FSTL5: variants seen among roughly 807,000 people sequenced by gnomAD.
The protein encoded by FSTL5 is follistatin-related protein 5.
A neutral mutation model predicts 89.1 loss-of-function variants in FSTL5; 62 were observed. The ratio of observed to expected loss-of-function variants is 0.70; its 90% CI spans 0.57 to 0.86. The LOEUF (loss-of-function observed/expected upper bound fraction) is 0.86. Ranked by LOEUF, FSTL5 falls within the 40% of genes least tolerant of loss-of-function variation. The pLI is 0.00. For missense variants in FSTL5, 1,057 were observed against 1,001.6 expected, an observed-to-expected ratio of 1.06 and a Z score of -0.75; for synonymous variants, 383 against 346.2, an observed-to-expected ratio of 1.11 and a Z score of -1.18.
At chr4:162,119,177 T>C (rs1403768763) in intron 1 of FSTL5, among the ~76,000 whole-genome samples, 1 of 151,190 alleles carries the variant, frequency 6.6e-6, no homozygotes, top group African/African-American at 2.4e-5. Context: ...CAGTGAGCCA[T>C]GATCATACCA....
intron 4 of FSTL5, among the ~76,000 whole-genome samples, chr4:161,892,221 C>T (rs1579172984): frequency 6.6e-6 from 1 of 151,912 alleles, no homozygotes. Flanking sequence ...AAATAACTTG[C>T]TTTTTTCTAC....
At chr4:161,655,310 T>A (rs1736478108) in intron 7 of FSTL5, among the ~76,000 whole-genome samples, 1 of 151,932 alleles carries the variant, frequency 6.6e-6, no homozygotes, top group Non-Finnish European at 1.5e-5. Flanking sequence ...CTTGACCTAC[T>A]CATTTATTGA....
chr4:161,565,153 G>A (rs953465885), intron 8 of FSTL5, among the ~76,000 whole-genome samples: 2 of 151,690 alleles, frequency 1.3e-5, no homozygotes, highest in Admixed American at 6.6e-5. Flanking sequence ...TCAGACCTCC[G>A]TATTAACAGA....
chr4:161,839,508 G>C (rs1026408543), intron 4 of FSTL5, among the ~76,000 whole-genome samples: 2 of 152,098 alleles, frequency 1.3e-5, no homozygotes, highest in African/African-American at 4.8e-5. Context: ...CAATAAAAGG[G>C]AGTAAAACCT....
chr4:161,905,225 A>T (rs1428664382), intron 4 of FSTL5, among the ~76,000 whole-genome samples: 1 of 152,156 alleles, frequency 6.6e-6, no homozygotes, highest in Non-Finnish European at 1.5e-5. Context: ...TTTAAAATTA[A>T]AAAAAGATTT....
intron 4 of FSTL5, among the ~76,000 whole-genome samples, chr4:161,804,016 G>A (rs1170814535): frequency 6.6e-6 from 1 of 151,962 alleles, no homozygotes; most frequent in African/African-American, 2.4e-5. Context: ...TTGCTCTGGA[G>A]TCTCTTTTTG....
chr4:162,111,302 G>C lies in FSTL5; in HGVS notation c.95C>G (p.Ser32Cys). 6.2e-7 allele frequency: 1 copy of C among 1,611,876 alleles called. No homozygotes were observed. Among genetic ancestry groups the C allele is most frequent in the Non-Finnish European group, 8.5e-7 (1 of 1,178,482 alleles). Residue 32 changes from serine to cysteine, a missense_variant, in exon 2 of 16, where the codon TCC becomes TGC. Transcript: ENST00000306100. ...PTKEGGYGLK[S>C]YQPLMRLRHK... ...TCGCAATCTCATTAGAGGCTGATAG[G>C]ATTTAAGGCCATATCCTCCTTCTTT...
chr4:161,650,097 T>C (rs1736284296), intron 7 of FSTL5, among the ~76,000 whole-genome samples: 1 of 152,224 alleles, frequency 6.6e-6, no homozygotes, highest in African/African-American at 2.4e-5. Flanking sequence ...CCCCAATCTA[T>C]TCTACTCTGT....
chr4:162,117,973 G>C (rs1281590562), intron 1 of FSTL5, among the ~76,000 whole-genome samples: 4 of 152,134 alleles, frequency 2.6e-5, no homozygotes, highest in Non-Finnish European at 5.9e-5. Flanking sequence ...GAAAAATTAA[G>C]TTGCAGTTAT....
At chr4:161,496,787 A>AAGATAGAGATAC (rs1730092256) in intron 12 of FSTL5, among the ~76,000 whole-genome samples, 1 of 143,728 alleles carries the variant, frequency 7.0e-6, no homozygotes, top group South Asian at 2.3e-4. Flanking sequence ...GATAGAGAAA[A>AAGATAGAGATAC]AGATAGAGAT....
rs138063975 is a variant in FSTL5, at chr4:162,021,381, G to C, written c.160+12244C>G. On this transcript the variant is annotated intron_variant, in intron 3 of 15. Coordinates refer to ENST00000306100, the MANE Select transcript of FSTL5 (RefSeq NM_020116.5). Reference sequence around the variant, plus strand: ...TTATTAACAGCACAATCTTGGCCAAGTATTTAATCTCCAAGACTCATTTGC... The same window carrying C: ...TTATTAACAGCACAATCTTGGCCAACTATTTAATCTCCAAGACTCATTTGC... 2.2e-3 allele frequency among the ~76,000 whole-genome samples: 332 copies of C among 152,242 alleles called. 1 individual carries two copies. The highest frequency in any genetic ancestry group is 4.1e-3 in the Non-Finnish European group (282 of 68,008).
At chr4:161,713,060 G>A (rs1186221956) in intron 6 of FSTL5, among the ~76,000 whole-genome samples, 1 of 152,088 alleles carries the variant, frequency 6.6e-6, no homozygotes, top group Non-Finnish European at 1.5e-5. Context: ...TAACACAGTT[G>A]CCATGTCCAG....
intron 6 of FSTL5, among the ~76,000 whole-genome samples, chr4:161,685,496 T>G (rs1010565358): frequency 5.3e-5 from 8 of 152,130 alleles, no homozygotes; most frequent in African/African-American, 1.7e-4. Context: ...AGTGTTTTAT[T>G]TATTTTATTT....
chr4:161,738,255 T>C (rs1254646765), intron 6 of FSTL5, among the ~76,000 whole-genome samples: 1 of 152,108 alleles, frequency 6.6e-6, no homozygotes, highest in African/African-American at 2.4e-5. Flanking sequence ...AACAAAGTTC[T>C]TGTGCTCAGG....
At chr4:161,979,536 C>T (rs1464369247) in intron 3 of FSTL5, among the ~76,000 whole-genome samples, 1 of 151,958 alleles carries the variant, frequency 6.6e-6, no homozygotes, top group Non-Finnish European at 1.5e-5. Context: ...CTGTCTCTCT[C>T]TCTCTCTGTC....
intron 2 of FSTL5, among the ~76,000 whole-genome samples, chr4:162,072,031 T>C (rs755686151): frequency 9.9e-5 from 15 of 151,730 alleles, no homozygotes; most frequent in Admixed American, 3.3e-4. Flanking sequence ...AGATGTGTCA[T>C]TGACATATAA....
At chr4:161,610,990 A>T (rs1734613292) in intron 7 of FSTL5, among the ~76,000 whole-genome samples, 1 of 151,740 alleles carries the variant, frequency 6.6e-6, no homozygotes. Flanking sequence ...CTTATAGAAC[A>T]TGGATATATA....
rs1424644288 is a variant in FSTL5, at chr4:161,920,489, A to G, written c.324T>C (p.Tyr108=). The G allele has an allele frequency of 6.2e-7, 1 of 1,613,834 alleles. No individual in the cohort carries two copies. The highest frequency in any genetic ancestry group is 8.5e-7 in the Non-Finnish European group (1 of 1,179,982). The part of the protein sequence containing the change: ...KPVCGSDGEF[Y]ENHCEVHRAA... ...CTCTGTGCACTTCACAGTGGTTTTCATAGAATTCTCCGTCAGATCCACACA... is the reference window on the plus strand; with the variant it reads ...CTCTGTGCACTTCACAGTGGTTTTCGTAGAATTCTCCGTCAGATCCACACA... Residue 108 remains tyrosine, a synonymous_variant, in exon 4 of 16, where the codon TAT becomes TAC. Transcript: ENST00000306100.
At position 162,025,718 on chromosome 4, in the gene FSTL5, ATATCT is replaced by A. The variant is rs1298765867; in HGVS notation, c.160+7902_160+7906del. Among the ~76,000 whole-genome samples the A allele has an allele frequency of 2.3e-4, 35 of 152,188 alleles. 1 individual carries two copies. The highest frequency in any genetic ancestry group is 1.9e-3 in the Admixed American group (29 of 15,244). On this transcript the variant is annotated intron_variant, in intron 3 of 15. Coordinates refer to ENST00000306100, the MANE Select transcript of FSTL5 (RefSeq NM_020116.5). Reference sequence around the variant, plus strand: ...ATGTAATGAGTTGCAACTGTGAAATATATCTTATAATTATTTAAAAGGGATATTAT... The same window carrying A: ...ATGTAATGAGTTGCAACTGTGAAATATATAATTATTTAAAAGGGATATTAT...
Sources: gnomAD v4.1 joint callset for allele counts (sites outside exome capture counted in the v4.1 genomes callset) on GRCh38, gnomAD v4.1.1 for gene constraint, MANE v1.5 for transcripts, NCBI Gene and HGNC (gene_info 2026-07-23, HGNC 2026-07-21) for gene names.